Variants in SYN2 observed in about 807,000 individuals in gnomAD.
SYN2 encodes the protein synapsin II.
In SYN2, 19 loss-of-function variants were observed where a neutral mutation model predicts 50.9. The observed-to-expected ratio is 0.37, with a 90% CI of 0.26 to 0.55. SYN2 has a LOEUF of 0.55. Among genes scored for constraint, SYN2 ranks in the 20% least tolerant of loss-of-function variants. The probability of loss-of-function intolerance (pLI) is 0.81; values close to 1 mark genes in which losing one functional copy is unlikely to be tolerated. For synonymous variants in SYN2, 255 were observed against 224.9 expected, an observed-to-expected ratio of 1.13 and a Z score of -1.20; for missense variants, 587 against 576.4, an observed-to-expected ratio of 1.02 and a Z score of -0.19.
At chr3:12,163,241 C>CAA (rs11404808) in intron 7 of SYN2, among the ~76,000 whole-genome samples, 10,143 of 122,252 alleles carry the variant, frequency 0.083, 806 homozygotes, top group African/African-American at 0.2. Context: ...GACTCTGTCT[C>CAA]AAAAAAAAAA....
At chr3:12,068,593 A>C (rs572264571) in intron 1 of SYN2, among the ~76,000 whole-genome samples, 1 of 152,084 alleles carries the variant, frequency 6.6e-6, no homozygotes, top group Admixed American at 6.6e-5. Context: ...ATATTTTTCT[A>C]TGCTCTCTTT....
At chr3:12,088,852 A>C (rs1695767214) in intron 1 of SYN2, among the ~76,000 whole-genome samples, 1 of 152,186 alleles carries the variant, frequency 6.6e-6, no homozygotes, top group Non-Finnish European at 1.5e-5. Context: ...AGAAGGAAAG[A>C]GTAGAATGAT....
chr3:12,067,973 A>C (rs1278282040), intron 1 of SYN2, among the ~76,000 whole-genome samples: 1 of 152,202 alleles, frequency 6.6e-6, no homozygotes, highest in Non-Finnish European at 1.5e-5. Context: ...TGGGAGGATC[A>C]CCTGAGCCTT....
At chr3:12,055,178 A>G (rs892158124) in intron 1 of SYN2, among the ~76,000 whole-genome samples, 45 of 152,260 alleles carry the variant, frequency 3.0e-4, no homozygotes, top group African/African-American at 1.1e-3. Flanking sequence ...AAAAAGATAT[A>G]GAATGATCTT....
At chr3:12,177,789 G>A (rs1319790731) in intron 10 of SYN2, among the ~76,000 whole-genome samples, 1 of 152,180 alleles carries the variant, frequency 6.6e-6, no homozygotes, top group African/African-American at 2.4e-5. Context: ...TTAATCATTT[G>A]AAGCTGACAT....
intron 1 of SYN2, among the ~76,000 whole-genome samples, chr3:12,092,528 C>A (rs1050527805): frequency 6.6e-6 from 1 of 152,124 alleles, no homozygotes; most frequent in Non-Finnish European, 1.5e-5. Context: ...TAAAATTTCT[C>A]CAGACAAAGG....
intron 1 of SYN2, among the ~76,000 whole-genome samples, chr3:12,009,368 C>T (rs1029662396): frequency 6.6e-6 from 1 of 152,024 alleles, no homozygotes; most frequent in Non-Finnish European, 1.5e-5. Flanking sequence ...CAGTATCCCT[C>T]CATTTTTACT....
intron 5 of SYN2, chr3:12,159,438 A>T (rs1697577295): frequency 6.6e-6 from 1 of 152,606 alleles, no homozygotes; most frequent in South Asian, 2.1e-4. Context: ...GCTCCAAAGC[A>T]ACAGCAAACA....
At chr3:12,158,749 C>T in intron 5 of SYN2, 1 of 1,608,448 alleles carries the variant, frequency 6.2e-7, no homozygotes, top group Non-Finnish European at 8.5e-7. Flanking sequence ...CGGGGCGCAG[C>T]TGCATGCCTC....
intron 1 of SYN2, among the ~76,000 whole-genome samples, chr3:12,027,184 C>T (rs1574894920): frequency 6.6e-6 from 1 of 152,132 alleles, no homozygotes; most frequent in Non-Finnish European, 1.5e-5. Context: ...CTTCATGGCT[C>T]AGCCTTCCCA....
intron 1 of SYN2, among the ~76,000 whole-genome samples, chr3:12,119,145 C>G (rs562266585): frequency 3.3e-5 from 5 of 152,130 alleles, no homozygotes; most frequent in African/African-American, 9.6e-5. Flanking sequence ...ATAGATCTGC[C>G]TATCTTCTTT....
intron 1 of SYN2, among the ~76,000 whole-genome samples, chr3:12,137,996 T>C (rs1696934415): frequency 6.6e-6 from 1 of 152,212 alleles, no homozygotes; most frequent in Admixed American, 6.5e-5. Flanking sequence ...ACAGCTAGAA[T>C]TCACACCCCA....
In SYN2 at chr3:12,004,509, AC is replaced by A; in HGVS notation, c.-41del. 2.0e-6 allele frequency: 1 copy of A among 499,724 alleles called. No homozygotes were observed. Among genetic ancestry groups the A allele is most frequent in the Non-Finnish European group, 3.8e-6 (1 of 265,956 alleles). 31.0% of individuals were successfully genotyped at this position (499,724 alleles called of 1,614,324 possible). ...TCCGCCCTCGCTCTCCCTCCGCGCC[AC>A]CAGACCCCGTAGCCCCGCGCGCCCC... On this transcript the variant is annotated 5_prime_UTR_variant, in exon 1 of 13. Coordinates refer to ENST00000621198, the MANE Select transcript of SYN2 (RefSeq NM_133625.6).
intron 2 of SYN2, among the ~76,000 whole-genome samples, chr3:12,141,131 T>C (rs1697009983): frequency 6.6e-6 from 1 of 152,150 alleles, no homozygotes; most frequent in African/African-American, 2.4e-5. Context: ...GGCCTGAGGC[T>C]ATACTTTAGA....
chr3:12,043,430 G>A (rs1323474548), intron 1 of SYN2, among the ~76,000 whole-genome samples: 2 of 152,054 alleles, frequency 1.3e-5, no homozygotes, highest in Admixed American at 6.5e-5. Flanking sequence ...AGAAAAATAA[G>A]CATTTACTGC....
chr3:12,065,461 A>G (rs894691317), intron 1 of SYN2, among the ~76,000 whole-genome samples: 2 of 152,192 alleles, frequency 1.3e-5, no homozygotes, highest in Non-Finnish European at 2.9e-5. Flanking sequence ...TAGGTGCTCA[A>G]CAGTGGATTG....
At chr3:12,161,489 A>T in intron 5 of SYN2, 57 bp from the exon 6 acceptor site, 1 of 1,595,022 alleles carries the variant, frequency 6.3e-7, no homozygotes. Flanking sequence ...TATGTGTAGG[A>T]TTCCACGGAG....
intron 10 of SYN2, 118 bp downstream of exon 10, chr3:12,170,024 TA>T (rs2125244067): frequency 7.9e-7 from 1 of 1,260,070 alleles, no homozygotes; most frequent in Non-Finnish European, 1.1e-6. Context: ...AAATGGGATC[TA>T]AGGAGACATC....
At chr3:12,017,963 T>C (rs1376410721) in intron 1 of SYN2, among the ~76,000 whole-genome samples, 1 of 152,262 alleles carries the variant, frequency 6.6e-6, no homozygotes, top group Non-Finnish European at 1.5e-5. Context: ...TGTGGAAACT[T>C]CATACTTTGA....
Sources: allele counts gnomAD v4.1 joint callset (sites outside exome capture counted in the v4.1 genomes callset), GRCh38; gene constraint gnomAD v4.1.1; transcripts MANE v1.5; gene names NCBI Gene and HGNC (gene_info 2026-07-23, HGNC 2026-07-21).